Variants in AGBL1 observed in about 807,000 individuals in gnomAD.
AGBL1 encodes the protein AGBL carboxypeptidase 1.
A neutral mutation model predicts 118.9 loss-of-function variants in AGBL1; 130 were observed. That is an observed-to-expected ratio of 1.09 (90% CI 0.95 to 1.26). AGBL1 has a LOEUF of 1.26. Among genes scored for constraint, AGBL1 ranks in the 50% most tolerant of loss-of-function variants. The pLI, the probability that AGBL1 is intolerant of heterozygous loss-of-function variation, is 0.00. For missense variants in AGBL1, 1,584 were observed against 1,298.1 expected (o/e 1.22, Z -3.38); for synonymous variants, 555 against 478.9 (o/e 1.16, Z -2.08).
In AGBL1 at chr15:86,484,551, G is replaced by A. The variant is rs556632125; in HGVS notation, c.2556-38259G>A. 7.9e-5 allele frequency among the ~76,000 whole-genome samples: 12 copies of A among 152,198 alleles called. No homozygotes were observed. In the South Asian group the frequency reaches 1.9e-3, roughly 24 times the overall value. ...TCTTGAGCCCAAAGGTATTCTTTAA[G>A]GAAGCATGTGTTAAAATAGAAACAG... On this transcript the variant is annotated intron_variant, in intron 18 of 22. Coordinates refer to ENST00000614907, the MANE Select transcript of AGBL1 (RefSeq NM_001386094.1).
intron 7 of AGBL1, among the ~76,000 whole-genome samples, chr15:86,250,105 A>T (rs939430567): frequency 2.0e-5 from 3 of 152,198 alleles, no homozygotes; most frequent in Non-Finnish European, 2.9e-5. Context: ...GGCCTATGGG[A>T]TAGTGCTGAG....
chr15:86,363,249 C>T (rs1472394827), intron 17 of AGBL1, among the ~76,000 whole-genome samples: 1 of 152,088 alleles, frequency 6.6e-6, no homozygotes, highest in Non-Finnish European at 1.5e-5. Flanking sequence ...TTTGTGTGGG[C>T]AGATGCAAAC....
chr15:86,513,738 T>C (rs2083081070), intron 18 of AGBL1, among the ~76,000 whole-genome samples: 1 of 152,098 alleles, frequency 6.6e-6, no homozygotes, highest in Admixed American at 6.5e-5. Context: ...GAGCTATTCC[T>C]TCTTCCCTAC....
At chr15:86,821,064 C>A (rs998575878) in intron 22 of AGBL1, among the ~76,000 whole-genome samples, 37 of 152,064 alleles carry the variant, frequency 2.4e-4, no homozygotes, top group Admixed American at 2.4e-3. Flanking sequence ...TCGTTCTCAG[C>A]AAACTAATGG....
chr15:86,295,163 C>T (rs1371607777), intron 16 of AGBL1, 92 bp from the exon 17 acceptor site: 13 of 1,428,866 alleles, frequency 9.1e-6, no homozygotes, highest in African/African-American at 1.4e-5. Flanking sequence ...AACAACAATA[C>T]TTCTAAACTA....
chr15:86,795,401 G>A (rs2078554993), intron 22 of AGBL1, among the ~76,000 whole-genome samples: 1 of 151,964 alleles, frequency 6.6e-6, no homozygotes, highest in African/African-American at 2.4e-5. Flanking sequence ...TTGAAATAAT[G>A]TCATTGGGAG....
At chr15:86,373,638 G>T (rs2080998832) in intron 17 of AGBL1, among the ~76,000 whole-genome samples, 1 of 152,148 alleles carries the variant, frequency 6.6e-6, no homozygotes, top group Non-Finnish European at 1.5e-5. Flanking sequence ...GAAGATTCAG[G>T]TGGAGATTGT....
chr15:86,322,471 G>A (rs2080119070), intron 17 of AGBL1, among the ~76,000 whole-genome samples: 1 of 151,814 alleles, frequency 6.6e-6, no homozygotes, highest in South Asian at 2.1e-4. Flanking sequence ...AATTTTGAGG[G>A]GACCAATACA....
At chr15:86,410,804 G>GTATA (rs2081596926) in intron 18 of AGBL1, among the ~76,000 whole-genome samples, 1 of 17,300 alleles carries the variant, frequency 5.8e-5, no homozygotes, top group African/African-American at 2.5e-4. Context: ...AAGGTCAAAT[G>GTATA]TAGATATATA....
At chr15:86,759,618 G>C (rs1030008851) in intron 22 of AGBL1, among the ~76,000 whole-genome samples, 1 of 152,008 alleles carries the variant, frequency 6.6e-6, no homozygotes, top group Non-Finnish European at 1.5e-5. Context: ...GTAACATTTG[G>C]TGAGGTAGCC....
In AGBL1 at chr15:86,256,868, A is replaced by G; in HGVS notation, c.751A>G (p.Lys251Glu). The stretch of plus-strand genomic sequence containing the variant: ...CTTTGCTCAGAACTGCCTGGATGAC[A>G]AGAGCATGGAGCCCGTCATCTCTGT... ...FSTTQNCLDD[K>E]SMEPVISVVL... The change falls in exon 8 of 23, where the codon AAG (lysine) becomes GAG (glutamate). Residue 251 changes from lysine (K) to glutamate (E), a missense_variant. Transcript: ENST00000614907. The G allele has an allele frequency of 6.2e-7, 1 of 1,613,864 alleles. No individual in the cohort carries two copies. Among genetic ancestry groups the G allele is most frequent in the Non-Finnish European group, 8.5e-7 (1 of 1,179,846 alleles).
At chr15:86,998,761 A>G (rs2081403699) in intron 24 of AGBL1, among the ~76,000 whole-genome samples, 1 of 152,150 alleles carries the variant, frequency 6.6e-6, no homozygotes, top group South Asian at 2.1e-4. Flanking sequence ...ATGACTGCAA[A>G]TTGCACAGAT....
At chr15:86,458,452 A>G (rs17673627) in intron 18 of AGBL1, among the ~76,000 whole-genome samples, 6,191 of 152,210 alleles carry the variant, frequency 0.041, 178 homozygotes, top group East Asian at 0.092. Flanking sequence ...TTCTGTTACA[A>G]TTGGATCTAA....
rs1302918214 is a variant in AGBL1 at position 86,229,106 on chromosome 15, G to A, written c.526+4155G>A. Among the ~76,000 whole-genome samples the A allele has an allele frequency of 2.0e-5, 3 of 152,078 alleles. No homozygotes were observed. The East Asian group carries it at 5.8e-4, about 29-fold the overall frequency. ...CTTTTTATTCCTGAAATGTAGTAAA[G>A]CTTTAGTCAGGAAATAGTGCTACTT... On this transcript the variant is annotated intron_variant, in intron 6 of 22. Coordinates refer to ENST00000614907, the MANE Select transcript of AGBL1 (RefSeq NM_001386094.1).
chr15:86,742,976 T>C (rs1035417338), intron 22 of AGBL1, among the ~76,000 whole-genome samples: 1 of 152,128 alleles, frequency 6.6e-6, no homozygotes, highest in Non-Finnish European at 1.5e-5. Flanking sequence ...AATAGTATCA[T>C]ATATAATTTA....
intron 22 of AGBL1, among the ~76,000 whole-genome samples, chr15:86,677,168 T>C (rs1410285397): frequency 6.6e-6 from 1 of 152,172 alleles, no homozygotes; most frequent in African/African-American, 2.4e-5. Context: ...GGTTTCATGC[T>C]TCATTTACCA....
intron 24 of AGBL1, among the ~76,000 whole-genome samples, chr15:87,028,288 AG>A (rs1368417208): frequency 6.6e-6 from 1 of 152,004 alleles, no homozygotes; most frequent in Non-Finnish European, 1.5e-5. Flanking sequence ...ACTATCATGC[AG>A]GCAGAGGCAT....
chr15:86,198,378 G>T (rs2077849553), intron 5 of AGBL1, among the ~76,000 whole-genome samples: 1 of 152,172 alleles, frequency 6.6e-6, no homozygotes. Context: ...TGAGAATTTG[G>T]ACTTGAGATT....
At chr15:86,958,220 A>AAAG (rs1555466345) in intron 23 of AGBL1, among the ~76,000 whole-genome samples, 1 of 151,296 alleles carries the variant, frequency 6.6e-6, no homozygotes, top group Non-Finnish European at 1.5e-5. Flanking sequence ...AAAAAAAAAA[A>AAAG]AAAAGAAAAG....
Sources: allele counts gnomAD v4.1 joint callset (sites outside exome capture counted in the v4.1 genomes callset), GRCh38; gene constraint gnomAD v4.1.1; transcripts MANE v1.5; gene names NCBI Gene and HGNC (gene_info 2026-07-23, HGNC 2026-07-21).